GRK3: variants seen among roughly 807,000 people sequenced by gnomAD.
GRK3 encodes adrenergic, beta, receptor kinase 2.
Under a neutral mutation model 95.7 loss-of-function variants are expected in GRK3, and 54 were observed. That is an observed-to-expected ratio of 0.56 (90% confidence interval 0.45 to 0.71). GRK3 has a LOEUF of 0.71. GRK3 is among the 30% of genes least tolerant of loss of function. The probability of loss-of-function intolerance (pLI) is 0.00; values close to 1 mark genes in which losing one functional copy is unlikely to be tolerated. For missense variants in GRK3, 649 were observed against 851.2 expected, an observed-to-expected ratio of 0.76 and a Z score of 2.96; for synonymous variants, 281 against 290.8, an observed-to-expected ratio of 0.97 and a Z score of 0.34.
At chr22:25,656,338 A>G (rs2084870727) in intron 3 of GRK3, among the ~76,000 whole-genome samples, 1 of 152,150 alleles carries the variant, frequency 6.6e-6, no homozygotes, top group African/African-American at 2.4e-5. Context: ...AAATTTTGAG[A>G]CAGGGTCTCA....
intron 2 of GRK3, among the ~76,000 whole-genome samples, chr22:25,608,459 A>G (rs1261387795): frequency 1.3e-5 from 2 of 152,222 alleles, no homozygotes; most frequent in Non-Finnish European, 2.9e-5. Flanking sequence ...TGGAATTAAG[A>G]TGATTGTCCG....
intron 1 of GRK3, among the ~76,000 whole-genome samples, chr22:25,575,686 A>G (rs1931865537): frequency 6.6e-6 from 1 of 152,242 alleles, no homozygotes; most frequent in African/African-American, 2.4e-5. Flanking sequence ...TTTTATATAT[A>G]TTAACTCTTT....
chr22:25,679,221 C>T (rs3817819), intron 9 of GRK3, among the ~76,000 whole-genome samples: 77,323 of 152,050 alleles, frequency 0.51, 22,415 homozygotes, highest in African/African-American at 0.79. Context: ...TAGTCAAGAC[C>T]TGACTAAACG....
chr22:25,683,698 T>C (rs1253203908), intron 9 of GRK3, among the ~76,000 whole-genome samples: 4 of 152,170 alleles, frequency 2.6e-5, no homozygotes, highest in Admixed American at 6.5e-5. Flanking sequence ...CTATTTTTTT[T>C]CCCCATTTTT....
intron 20 of GRK3, 78 bp downstream of exon 20, chr22:25,721,475 T>A: frequency 1.2e-6 from 1 of 818,420 alleles, no homozygotes; most frequent in South Asian, 1.6e-5. Flanking sequence ...CTATAAAACA[T>A]TTTCTTATGC....
intron 11 of GRK3, among the ~76,000 whole-genome samples, chr22:25,689,377 G>A (rs2085147300): frequency 6.6e-6 from 1 of 152,064 alleles, no homozygotes. Flanking sequence ...TATTTGGAAG[G>A]CAGTGGTATT....
intron 5 of GRK3, among the ~76,000 whole-genome samples, chr22:25,667,212 T>C (rs6004735): frequency 0.11 from 16,221 of 151,962 alleles, 2,784 homozygotes; most frequent in African/African-American, 0.37. Context: ...ATAAATAAAA[T>C]AGCTAATTAA....
At chr22:25,699,735 G>C (rs1238286710) in intron 13 of GRK3, among the ~76,000 whole-genome samples, 1 of 134,112 alleles carries the variant, frequency 7.5e-6, no homozygotes, top group Non-Finnish European at 1.5e-5. Flanking sequence ...GTCTCGCTCT[G>C]TCGCCCAGGC....
In GRK3 at chr22:25,654,738, T is replaced by C. The variant is rs531171886; in HGVS notation, c.265-6838T>C. Among the ~76,000 whole-genome samples the C allele has an allele frequency of 4.6e-5, 7 of 152,334 alleles. No individual in the cohort carries two copies. In the South Asian group the frequency reaches 1.0e-3, roughly 23 times the overall value. ...TTGCTGGGTTGAAACAGATGGGCAA[T>C]CTACTTGTGGTTATTTCCTAAGTAC... On this transcript the variant is annotated intron_variant, in intron 3 of 20. Transcript: ENST00000324198.
intron 3 of GRK3, chr22:25,648,368 T>A: frequency 8.4e-6 from 11 of 1,314,318 alleles, no homozygotes; most frequent in Non-Finnish European, 1.2e-5. Flanking sequence ...CAACTGTGTG[T>A]CCAACTGTGA....
At chr22:25,611,829 G>GACTTTTTT (rs1569163613) in intron 2 of GRK3, among the ~76,000 whole-genome samples, 1 of 138,004 alleles carries the variant, frequency 7.2e-6, no homozygotes, top group African/African-American at 2.7e-5. Flanking sequence ...ATAGTTTAGT[G>GACTTTTTT]TCTTTTTTTT....
chr22:25,588,932 T>C (rs567931883), intron 1 of GRK3, among the ~76,000 whole-genome samples: 1 of 152,160 alleles, frequency 6.6e-6, no homozygotes, highest in East Asian at 1.9e-4. Context: ...CCATCTTGGC[T>C]AGCTTTTTAA....
At chr22:25,632,541 A>T (rs970697213) in intron 2 of GRK3, among the ~76,000 whole-genome samples, 1 of 152,174 alleles carries the variant, frequency 6.6e-6, no homozygotes, top group Admixed American at 6.5e-5. Flanking sequence ...ATGAAATTGA[A>T]TTTGCCAGTT....
intron 18 of GRK3, 88 bp downstream of exon 18, chr22:25,714,658 G>A: frequency 7.7e-7 from 1 of 1,303,012 alleles, no homozygotes; most frequent in Non-Finnish European, 1.0e-6. Context: ...TGGGTCGTAA[G>A]GTATTTTGCA....
intron 8 of GRK3, among the ~76,000 whole-genome samples, chr22:25,678,183 G>A (rs984025925): frequency 3.3e-5 from 5 of 152,148 alleles, no homozygotes; most frequent in African/African-American, 9.7e-5. Context: ...GGCCGGGCAC[G>A]GTGGCTCATG....
intron 1 of GRK3, among the ~76,000 whole-genome samples, chr22:25,575,062 C>T (rs559028894): frequency 1.5e-4 from 23 of 152,176 alleles, no homozygotes; most frequent in Non-Finnish European, 2.6e-4. Context: ...TAAATAAAAC[C>T]GAGAGTTTTG....
intron 9 of GRK3, chr22:25,684,457 C>G (rs947874498): frequency 3.9e-5 from 6 of 152,262 alleles, no homozygotes; most frequent in Admixed American, 6.5e-5. Flanking sequence ...GTTATTGAGT[C>G]CTTGGTCATG....
At chr22:25,695,053 G>A (rs2085196286) in intron 12 of GRK3, 54 bp from the exon 13 acceptor site, 11 of 1,324,300 alleles carry the variant, frequency 8.3e-6, no homozygotes, top group Non-Finnish European at 1.2e-5. Flanking sequence ...GGCGCTGTTA[G>A]TGTTTTCTAA....
At chr22:25,577,887 G>A (rs769585147) in intron 1 of GRK3, among the ~76,000 whole-genome samples, 4 of 152,124 alleles carry the variant, frequency 2.6e-5, no homozygotes, top group South Asian at 4.1e-4. Context: ...TCTACTCTAC[G>A]TAGAGCTGCA....
Sources: gnomAD v4.1 joint callset for allele counts (sites outside exome capture counted in the v4.1 genomes callset) on GRCh38, gnomAD v4.1.1 for gene constraint, MANE v1.5 for transcripts, NCBI Gene and HGNC (gene_info 2026-07-23, HGNC 2026-07-21) for gene names.